Variants in USP47 observed in about 807,000 individuals in gnomAD.
USP47 encodes ubiquitin specific peptidase 47, also known as ubiquitin carboxyl-terminal hydrolase 47.
Under a neutral mutation model 165.1 loss-of-function variants are expected in USP47, and 35 were observed. The ratio of observed to expected loss-of-function variants is 0.21; its 90% CI spans 0.16 to 0.28. USP47 has a LOEUF of 0.28. Ranked by LOEUF, USP47 falls within the 10% of genes least tolerant of loss-of-function variation. The pLI is 1.00. For missense variants in USP47, 1,277 were observed against 1,607.4 expected, an observed-to-expected ratio of 0.79 and a Z score of 3.52; for synonymous variants, 531 against 544.5, an observed-to-expected ratio of 0.98 and a Z score of 0.35.
chr11:11,952,282 T>C (rs1856274290), intron 24 of USP47: 1 of 152,334 alleles, frequency 6.6e-6, no homozygotes, highest in Non-Finnish European at 1.5e-5. Context: ...GAGTTGATGC[T>C]TGAAAAGTGA....
intron 13 of USP47, 91 bp from the exon 14 acceptor site, chr11:11,930,604 TA>T (rs1169522352): frequency 3.0e-6 from 3 of 1,007,444 alleles, no homozygotes; most frequent in Non-Finnish European, 4.4e-6. Flanking sequence ...AATTGTTTTT[TA>T]AAAAATCACA....
rs771498841 is a variant in USP47 at position 11,884,523 on chromosome 11, A to G, written c.300A>G (p.Gly100=). The G allele has an allele frequency of 1.2e-6, 2 of 1,612,390 alleles. No individual in the cohort carries two copies. Among genetic ancestry groups the G allele is most frequent in the South Asian group, 2.2e-5 (2 of 90,698 alleles). ...KSLLDANFEP[G]KKNFLHLTDK... is the part of the protein sequence containing the mutation. Reference sequence around the variant, plus strand: ...TTCTCGACGCTAATTTTGAGCCAGGAAAGAAGAACTTTCTGCATTTGACAG... The same window carrying G: ...TTCTCGACGCTAATTTTGAGCCAGGGAAGAAGAACTTTCTGCATTTGACAG... Residue 100 remains glycine, a synonymous_variant, in exon 3 of 28, where the codon GGA becomes GGG. Coordinates refer to ENST00000527733, the MANE Select transcript of USP47 (RefSeq NM_001282659.2).
intron 3 of USP47, among the ~76,000 whole-genome samples, chr11:11,885,260 T>C (rs1305181208): frequency 1.3e-5 from 2 of 151,890 alleles, no homozygotes; most frequent in African/African-American, 4.8e-5. Context: ...CGATTAGAAA[T>C]AGCTGCGGTC....
intron 8 of USP47, among the ~76,000 whole-genome samples, chr11:11,912,323 C>T (rs1853058415): frequency 6.6e-6 from 1 of 151,846 alleles, no homozygotes; most frequent in Non-Finnish European, 1.5e-5. Context: ...AATAGCAAGA[C>T]TGACAGAGAA....
At chr11:11,885,211 A>C (rs1487762059) in intron 3 of USP47, among the ~76,000 whole-genome samples, 2 of 151,986 alleles carry the variant, frequency 1.3e-5, no homozygotes, top group African/African-American at 4.8e-5. Context: ...TGTAGAGGAC[A>C]TGAGTTAAAA....
chr11:11,851,930 C>T (rs1848751496), intron 1 of USP47, among the ~76,000 whole-genome samples: 1 of 152,112 alleles, frequency 6.6e-6, no homozygotes, highest in African/African-American at 2.4e-5. Flanking sequence ...GGTAGGGGGG[C>T]ATGATGCTGA....
At chr11:11,884,400 G>T in intron 2 of USP47, 67 bp from the exon 3 acceptor site, 2 of 1,102,010 alleles carry the variant, frequency 1.8e-6, no homozygotes, top group Non-Finnish European at 2.6e-6. Flanking sequence ...ATGTAGATAT[G>T]TATCTATTTA....
Position 11,961,520 on chromosome 11 carries a change from G to C in USP47, c.*5345G>C, listed in dbSNP as rs1343203546. The stretch of plus-strand genomic sequence containing the variant: ...ACCTATAGAGGCTAAAAAACAGCAA[G>C]GAAATGGACTCTCCCCAGAGCCTCC... On this transcript the variant is annotated 3_prime_UTR_variant, in exon 28 of 28. Coordinates refer to ENST00000527733, the MANE Select transcript of USP47 (RefSeq NM_001282659.2). Among the ~76,000 whole-genome samples the C allele has an allele frequency of 6.6e-6, 1 of 152,098 alleles. No homozygotes were observed. The highest frequency in any genetic ancestry group is 1.5e-5 in the Non-Finnish European group (1 of 68,040).
At chr11:11,896,671 T>C (rs898222769) in intron 4 of USP47, among the ~76,000 whole-genome samples, 1 of 152,138 alleles carries the variant, frequency 6.6e-6, no homozygotes, top group Admixed American at 6.5e-5. Flanking sequence ...GCTTTCACAG[T>C]CTGATGGGGG....
chr11:11,884,547 A>G lies in USP47; in HGVS notation c.324A>G (p.Thr108=). 1 of 1,610,516 alleles carries G rather than the reference A, an allele frequency of 6.2e-7. No individual in the cohort carries two copies. The highest frequency in any genetic ancestry group is 2.2e-5 in the East Asian group (1 of 44,734). ...GAAAGAAGAACTTTCTGCATTTGAC[A>G]GATAAAGATGGTGAACAACCTCAAA... is the stretch of plus-strand genomic sequence containing the variant. ...EPGKKNFLHL[T]DKDGEQPQIL... is the part of the protein sequence containing the mutation. Residue 108 remains threonine, a synonymous_variant, in exon 3 of 28, where the codon ACA becomes ACG. Transcript: ENST00000527733.
At chr11:11,937,069 A>G (rs929318730) in intron 17 of USP47, among the ~76,000 whole-genome samples, 4 of 151,780 alleles carry the variant, frequency 2.6e-5, no homozygotes, top group Admixed American at 1.3e-4. Context: ...CACTCAGCAC[A>G]TTGAGTTTGT....
At chr11:11,878,118 A>G (rs1036587642) in intron 1 of USP47, among the ~76,000 whole-genome samples, 6 of 152,118 alleles carry the variant, frequency 3.9e-5, no homozygotes, top group Non-Finnish European at 7.4e-5. Flanking sequence ...ATTTTCCCAC[A>G]TGGAAGGAGA....
intron 5 of USP47, among the ~76,000 whole-genome samples, chr11:11,902,161 A>C (rs1396005024): frequency 6.6e-6 from 1 of 152,200 alleles, no homozygotes; most frequent in African/African-American, 2.4e-5. Context: ...TGCGTCATTT[A>C]ACAATTTGTT....
Position 11,884,585 on chromosome 11 carries a change from G to A in USP47, c.357+5G>A, listed in dbSNP as rs758444738. 1 of 1,595,714 alleles carries A rather than the reference G, an allele frequency of 6.3e-7. No homozygotes were observed. Among genetic ancestry groups the A allele is most frequent in the South Asian group, 1.1e-5 (1 of 87,176 alleles). On this transcript the variant is annotated splice_donor_5th_base_variant and intron_variant, in intron 3 of 27. Coordinates refer to ENST00000527733, the MANE Select transcript of USP47 (RefSeq NM_001282659.2). ...GAACAACCTCAAATACTGCTGGTAA[G>A]CTACTTAGAAAGCCCCATATTTATA...
intron 20 of USP47, chr11:11,943,906 TTA>T (rs1453124639): frequency 6.6e-6 from 1 of 151,994 alleles, no homozygotes; most frequent in African/African-American, 2.4e-5. Context: ...CCTTATATTT[TTA>T]TATTTTAGTT....
At chr11:11,862,024 CT>C (rs35753812) in intron 1 of USP47, among the ~76,000 whole-genome samples, 30,622 of 140,074 alleles carry the variant, frequency 0.22, 3,533 homozygotes, top group Non-Finnish European at 0.28. Flanking sequence ...GGTACAAAGT[CT>C]TTTTTTTTTT....
intron 1 of USP47, among the ~76,000 whole-genome samples, chr11:11,857,378 A>G (rs1170046823): frequency 6.6e-6 from 1 of 152,176 alleles, no homozygotes; most frequent in Non-Finnish European, 1.5e-5. Context: ...TATATATTTA[A>G]CAACCACAAC....
chr11:11,886,097 C>G (rs1307680490), intron 3 of USP47, among the ~76,000 whole-genome samples: 1 of 152,198 alleles, frequency 6.6e-6, no homozygotes, highest in Non-Finnish European at 1.5e-5. Flanking sequence ...ATTCAAAGGT[C>G]AGCAACCTCT....
At position 11,929,503 on chromosome 11, in the gene USP47, G is replaced by A; in HGVS notation, c.1456G>A (p.Ala486Thr). The A allele has an allele frequency of 6.2e-7, 1 of 1,613,284 alleles. No individual in the cohort carries two copies. Among genetic ancestry groups the A allele is most frequent in the Non-Finnish European group, 8.5e-7 (1 of 1,179,428 alleles). The change falls in exon 12 of 28, where the codon GCA becomes ACA. Residue 486 changes from alanine (A) to threonine (T), a missense_variant. By Grantham distance (58) the Ala-to-Thr change is moderately conservative. Coordinates refer to ENST00000527733, the MANE Select transcript of USP47 (RefSeq NM_001282659.2). ...SGSAAGGHYY[A>T]CIKSFSDEQW... The stretch of plus-strand genomic sequence containing the variant: ...GAGCGCTGCTGGTGGTCATTATTAT[G>A]CATGTATAAAGTCATTCAGTGATGA...
Sources: allele counts gnomAD v4.1 joint callset (sites outside exome capture counted in the v4.1 genomes callset), GRCh38; gene constraint gnomAD v4.1.1; transcripts MANE v1.5; gene names NCBI Gene and HGNC (gene_info 2026-07-23, HGNC 2026-07-21).